The following CNTN5 variants were observed in gnomAD, a reference collection of about 807,000 sequenced individuals.
The protein encoded by CNTN5 is contactin 5, also known as contactin-5.
Under a neutral mutation model 129.1 loss-of-function variants are expected in CNTN5, and 77 were observed. The observed-to-expected ratio is 0.60, with a 90% CI of 0.50 to 0.72. CNTN5 has a LOEUF of 0.72. Among genes scored for constraint, CNTN5 ranks in the 30% least tolerant of loss-of-function variants. CNTN5 has a pLI of 0.00. For synonymous variants in CNTN5, 509 were observed against 465.6 expected (o/e 1.09, Z -1.20); for missense variants, 1,478 against 1,328.8 (o/e 1.11, Z -1.75).
chr11:100,004,291 T>A (rs1329677763), intron 9 of CNTN5, among the ~76,000 whole-genome samples: 1 of 152,124 alleles, frequency 6.6e-6, no homozygotes, highest in East Asian at 1.9e-4. Flanking sequence ...GAATGGAGCA[T>A]GTCAAACTTT....
chr11:99,904,503 G>GGGGTATAT (rs1949444502), intron 6 of CNTN5, among the ~76,000 whole-genome samples: 1 of 152,122 alleles, frequency 6.6e-6, no homozygotes, highest in South Asian at 2.1e-4. Context: ...AGTATTCCAT[G>GGGGTATAT]GGGTATATGT....
chr11:99,318,104 C>A (rs1324466565), intron 1 of CNTN5, among the ~76,000 whole-genome samples: 2 of 152,174 alleles, frequency 1.3e-5, no homozygotes, highest in Middle Eastern at 3.4e-3. Flanking sequence ...GCATAAAAAC[C>A]CATAAATGTA....
intron 3 of CNTN5, among the ~76,000 whole-genome samples, chr11:99,632,263 T>G (rs187972173): frequency 2.4e-4 from 36 of 152,288 alleles, no homozygotes; most frequent in African/African-American, 7.9e-4. Flanking sequence ...TGAAATAAAA[T>G]TATATACTGT....
intron 3 of CNTN5, among the ~76,000 whole-genome samples, chr11:99,598,169 T>C (rs1273473920): frequency 1.3e-5 from 2 of 152,118 alleles, no homozygotes; most frequent in Non-Finnish European, 1.5e-5. Flanking sequence ...CAATTTTTGC[T>C]CCCTAAAACT....
At chr11:99,650,482 C>A (rs898057660) in intron 3 of CNTN5, among the ~76,000 whole-genome samples, 3 of 151,904 alleles carry the variant, frequency 2.0e-5, no homozygotes, top group Non-Finnish European at 2.9e-5. Flanking sequence ...AGGCTACTCT[C>A]AGCCAGATAG....
rs570247240 is a variant in CNTN5 at position 99,593,988 on chromosome 11, G to T, written c.55+37719G>T. 1.1e-4 allele frequency among the ~76,000 whole-genome samples: 16 copies of T among 152,256 alleles called. No individual in the cohort carries two copies. In the South Asian group the frequency reaches 3.1e-3, roughly 30 times the overall value. ...TTTTATATACAGAGATTGTGGTGTTGTTAGGGATTTTTCCCTCTTTAGAAT... is the reference window on the plus strand; with the variant it reads ...TTTTATATACAGAGATTGTGGTGTTTTTAGGGATTTTTCCCTCTTTAGAAT... On this transcript the variant is annotated intron_variant, in intron 3 of 24. Coordinates refer to ENST00000524871, the MANE Select transcript of CNTN5 (RefSeq NM_014361.4).
At chr11:99,733,815 A>T (rs2135114753) in intron 3 of CNTN5, among the ~76,000 whole-genome samples, 1 of 152,302 alleles carries the variant, frequency 6.6e-6, no homozygotes, top group Middle Eastern at 3.4e-3. Flanking sequence ...AATATGTTTA[A>T]CACACAAGCA....
intron 6 of CNTN5, among the ~76,000 whole-genome samples, chr11:99,875,471 T>C (rs1291921315): frequency 6.6e-6 from 1 of 152,116 alleles, no homozygotes; most frequent in Non-Finnish European, 1.5e-5. Context: ...TTATTACCAC[T>C]GAATAATATA....
At chr11:99,110,566 C>A (rs1381366062) in intron 1 of CNTN5, among the ~76,000 whole-genome samples, 1 of 152,120 alleles carries the variant, frequency 6.6e-6, no homozygotes, top group Non-Finnish European at 1.5e-5. Context: ...TTTCAAACAT[C>A]ATCTGTAATT....
chr11:99,967,493 C>G (rs746265119), intron 8 of CNTN5, among the ~76,000 whole-genome samples: 6 of 152,156 alleles, frequency 3.9e-5, no homozygotes, highest in Non-Finnish European at 8.8e-5. Context: ...CTGTCTGTAA[C>G]CGCGCACTCT....
intron 8 of CNTN5, among the ~76,000 whole-genome samples, chr11:99,957,991 T>A (rs899902372): frequency 1.3e-5 from 2 of 151,740 alleles, no homozygotes; most frequent in Non-Finnish European, 2.9e-5. Flanking sequence ...TAGATAGAGA[T>A]ACACAGTATT....
intron 2 of CNTN5, among the ~76,000 whole-genome samples, chr11:99,411,074 G>C (rs1942369363): frequency 6.6e-6 from 1 of 152,086 alleles, no homozygotes; most frequent in African/African-American, 2.4e-5. Context: ...TACATTCACA[G>C]AAAACATTTT....
intron 3 of CNTN5, among the ~76,000 whole-genome samples, chr11:99,694,752 A>G (rs970219675): frequency 5.9e-5 from 9 of 151,940 alleles, no homozygotes; most frequent in Non-Finnish European, 1.0e-4. Flanking sequence ...TTCTACTTAT[A>G]TAAGAGTGAG....
At chr11:100,301,587 T>C (rs1951221225) in intron 20 of CNTN5, among the ~76,000 whole-genome samples, 1 of 151,654 alleles carries the variant, frequency 6.6e-6, no homozygotes, top group African/African-American at 2.4e-5. Flanking sequence ...TTCAAGCATA[T>C]ATTTGGCATT....
chr11:99,399,813 T>C (rs959773876), intron 2 of CNTN5, among the ~76,000 whole-genome samples: 3 of 151,956 alleles, frequency 2.0e-5, no homozygotes, highest in Non-Finnish European at 4.4e-5. Flanking sequence ...TTGTTTTGTT[T>C]ATTTTTATTT....
chr11:99,344,583 A>G (rs865777623), intron 2 of CNTN5, among the ~76,000 whole-genome samples: 1 of 152,254 alleles, frequency 6.6e-6, no homozygotes, highest in African/African-American at 2.4e-5. Context: ...GTGAAGATAA[A>G]TACATCTAAT....
intron 18 of CNTN5, among the ~76,000 whole-genome samples, chr11:100,288,279 C>T (rs1433104239): frequency 1.4e-5 from 2 of 142,102 alleles, no homozygotes; most frequent in South Asian, 4.6e-4. Context: ...CTACAGAACT[C>T]TCCACCCCAA....
intron 1 of CNTN5, among the ~76,000 whole-genome samples, chr11:99,247,862 T>G (rs1464286138): frequency 6.6e-6 from 1 of 152,196 alleles, no homozygotes; most frequent in African/African-American, 2.4e-5. Flanking sequence ...AGTCTATCAT[T>G]GTTGGACATT....
chr11:99,447,683 T>G (rs999519629), intron 2 of CNTN5, among the ~76,000 whole-genome samples: 5 of 152,184 alleles, frequency 3.3e-5, no homozygotes, highest in Non-Finnish European at 4.4e-5. Context: ...TCCCAGCACT[T>G]TGGTAGGCCG....
Sources: gnomAD v4.1 joint callset for allele counts (sites outside exome capture counted in the v4.1 genomes callset) on GRCh38, gnomAD v4.1.1 for gene constraint, MANE v1.5 for transcripts, NCBI Gene and HGNC (gene_info 2026-07-23, HGNC 2026-07-21) for gene names.